Variants in ZKSCAN7 observed in about 807,000 individuals in gnomAD.
ZKSCAN7 encodes zinc finger protein with KRAB and SCAN domains 7.
ZKSCAN7 carries 38 observed loss-of-function variants against 65.3 expected under a neutral mutation model. The observed-to-expected ratio is 0.58, with a 90% CI of 0.45 to 0.76. The LOEUF is 0.76. ZKSCAN7 is among the 30% of genes least tolerant of loss of function. The probability of loss-of-function intolerance (pLI) is 0.00; values close to 1 mark genes in which losing one functional copy is unlikely to be tolerated. For missense variants in ZKSCAN7, 815 were observed against 913.3 expected (o/e 0.89, Z 1.39); for synonymous variants, 321 against 321.0 (o/e 1.00, Z 0.00).
At chr3:44,556,142 A>G (rs1219700941) in intron 1 of ZKSCAN7, among the ~76,000 whole-genome samples, 3 of 152,272 alleles carry the variant, frequency 2.0e-5, no homozygotes, top group South Asian at 2.1e-4. Context: ...TGCATTGAGT[A>G]AAAAAAGGTC....
At chr3:44,558,781 C>CTTTTTTTTTTTT (rs1559422610) in intron 2 of ZKSCAN7, among the ~76,000 whole-genome samples, 1 of 74,336 alleles carries the variant, frequency 1.3e-5, no homozygotes, top group Non-Finnish European at 2.6e-5. Flanking sequence ...CTTTCTTCTT[C>CTTTTTTTTTTTT]ATTTTTTTTT....
intron 3 of ZKSCAN7, 82 bp downstream of exon 3, chr3:44,565,737 C>T (rs1699613991): frequency 1.5e-6 from 2 of 1,353,024 alleles, no homozygotes; most frequent in Non-Finnish European, 2.0e-6. Flanking sequence ...TGCCCATCTC[C>T]TACTCCATGG....
chr3:44,568,433 G>C lies in ZKSCAN7; in HGVS notation c.811G>C (p.Ala271Pro). 1.2e-6 allele frequency: 2 copies of C among 1,613,076 alleles called. No homozygotes were observed. The highest frequency in any genetic ancestry group is 1.7e-6 in the Non-Finnish European group (2 of 1,179,542). Residue 271 changes from alanine to proline, a missense_variant and splice_region_variant, in exon 5 of 6, where the codon GCA becomes CCA. This residue lies in a region of ZKSCAN7 where 578 missense variants were observed against 629.5 expected (regional missense o/e 0.92). Transcript: ENST00000426540. ...PENHHSMASL[A>P]GENMMKGSEL... Reference sequence around the variant, plus strand: ...AAATCACCATAGCATGGCCTCCTTGGGTAATGATTCTGTTTCCTAGTCACT... The same window carrying C: ...AAATCACCATAGCATGGCCTCCTTGCGTAATGATTCTGTTTCCTAGTCACT...
intron 5 of ZKSCAN7, among the ~76,000 whole-genome samples, chr3:44,581,472 G>A (rs567619570): frequency 2.6e-5 from 4 of 152,314 alleles, no homozygotes; most frequent in Non-Finnish European, 5.9e-5. Flanking sequence ...AATCACACGG[G>A]TTAGAGAACT....
chr3:44,570,392 G>T lies in ZKSCAN7; in HGVS notation c.1282G>T (p.Val428Phe). The T allele has an allele frequency of 6.2e-7, 1 of 1,613,890 alleles. No homozygotes were observed. The highest frequency in any genetic ancestry group is 8.5e-7 in the Non-Finnish European group (1 of 1,179,908). ...CTTCAGGCAAACCTCCCAGCTCATT[G>T]TTCATCTCAGAACCCACACAGGGGA... ...KTFRQTSQLI[V>F]HLRTHTGEKP... The change falls in exon 6 of 6, where the codon GTT becomes TTT. Residue 428 changes from valine (V) to phenylalanine (F), a missense_variant. This residue lies in a region of ZKSCAN7 where 578 missense variants were observed against 629.5 expected (regional missense o/e 0.92). Transcript: ENST00000426540.
chr3:44,583,081 C>A, exon 6 of ZKSCAN7: 1 of 355,834 alleles, frequency 2.8e-6, no homozygotes, highest in Non-Finnish European at 5.6e-6. Flanking sequence ...CGCCTGCCAC[C>A]ATGCCCAGCT....
intron 5 of ZKSCAN7, chr3:44,582,906 TCGTGTGTGTGTG>T: frequency 5.5e-6 from 2 of 362,826 alleles, no homozygotes; most frequent in South Asian, 1.9e-5. Context: ...ACATGAATAT[TCGTGTGTGTGTG>T]TGTGTGTGTG....
chr3:44,571,255 A>T lies in ZKSCAN7; in HGVS notation c.2145A>T (p.Gly715=). The T allele has an allele frequency of 6.2e-7, 1 of 1,613,828 alleles. No individual in the cohort carries two copies. Among genetic ancestry groups the T allele is most frequent in the Non-Finnish European group, 8.5e-7 (1 of 1,179,964 alleles). ...TTGTACACCAGAGAGTCCACACCGG[A>T]GAGAAACCTTATGAATGTAGTGAAT... ...QLIVHQRVHT[G]EKPYECSECG... The change falls in exon 6 of 6, where the codon GGA becomes GGT. Residue 715 remains glycine (G), a synonymous_variant. Coordinates refer to ENST00000426540, the MANE Select transcript of ZKSCAN7 (RefSeq NM_001288590.2).
At chr3:44,567,630 G>C (rs572200528) in intron 3 of ZKSCAN7, among the ~76,000 whole-genome samples, 1 of 152,290 alleles carries the variant, frequency 6.6e-6, no homozygotes, top group Admixed American at 6.5e-5. Flanking sequence ...GCTGGTGCTA[G>C]GGAAACCATG....
intron 5 of ZKSCAN7, 51 bp from the exon 6 acceptor site, chr3:44,569,871 T>G (rs1371755916): frequency 6.7e-7 from 1 of 1,491,334 alleles, no homozygotes; most frequent in Non-Finnish European, 8.9e-7. Context: ...ATTCTCTTTC[T>G]TAAACAGGAT....
chr3:44,575,646 C>T (rs1415327068), downstream of ZKSCAN7, among the ~76,000 whole-genome samples: 3 of 152,156 alleles, frequency 2.0e-5, no homozygotes, highest in African/African-American at 4.8e-5. Context: ...GGCACGATCT[C>T]GGCTCACTGC....
intron 5 of ZKSCAN7, chr3:44,580,641 A>C: frequency 6.2e-7 from 1 of 1,613,900 alleles, no homozygotes; most frequent in Non-Finnish European, 8.5e-7. Context: ...CGCCCGGATG[A>C]AATGCTCCTT....
chr3:44,572,730 G>C (rs1408307973), downstream of ZKSCAN7, among the ~76,000 whole-genome samples: 1 of 150,852 alleles, frequency 6.6e-6, no homozygotes, highest in Non-Finnish European at 1.5e-5. Flanking sequence ...GGCGCCTGTA[G>C]TCCCAGCTAT....
At position 44,570,606 on chromosome 3, in the gene ZKSCAN7, A is replaced by T; in HGVS notation, c.1496A>T (p.Glu499Val). 1 of 1,614,198 alleles carries T rather than the reference A, an allele frequency of 6.2e-7. No individual in the cohort carries two copies. The highest frequency in any genetic ancestry group is 8.5e-7 in the Non-Finnish European group (1 of 1,180,036). Residue 499 changes from glutamate (E) to valine (V), a missense_variant, in exon 6 of 6, where the codon GAG becomes GTG. Transcript: ENST00000426540. ...HTGEKPYECN[E>V]CGEAFIRSKS... ...GGGGAGAAACCTTATGAATGCAATG[A>T]GTGTGGAGAGGCATTCATTCGAAGC...
chr3:44,570,519 A>G lies in ZKSCAN7; in HGVS notation c.1409A>G (p.Asn470Ser), dbSNP rs772148665. Residue 470 changes from asparagine (N) to serine (S), a missense_variant, in exon 6 of 6, where the codon AAT (asparagine) becomes AGT (serine). Asn to Ser is a conservative substitution (Grantham distance 46). Coordinates refer to ENST00000426540, the MANE Select transcript of ZKSCAN7 (RefSeq NM_001288590.2). The part of the protein sequence containing the change: ...LHNGEKPYKC[N>S]ECAKAFTQSS... ...AATGGGGAGAAACCCTATAAATGTA[A>G]TGAATGTGCAAAAGCCTTTACTCAG... The G allele has an allele frequency of 3.1e-6, 5 of 1,614,210 alleles. No homozygotes were observed. In the South Asian group the frequency reaches 3.3e-5, roughly 11 times the overall value.
At chr3:44,569,365 T>A (rs1699726029) in intron 5 of ZKSCAN7, among the ~76,000 whole-genome samples, 1 of 152,230 alleles carries the variant, frequency 6.6e-6, no homozygotes, top group Non-Finnish European at 1.5e-5. Flanking sequence ...TAGGGCAGTC[T>A]TTTTACTGTC....
intron 5 of ZKSCAN7, chr3:44,580,729 T>C (rs1700054748): frequency 3.1e-6 from 5 of 1,613,776 alleles, no homozygotes; most frequent in Non-Finnish European, 3.4e-6. Context: ...CACTGGTTCA[T>C]GTTGATGGTG....
In ZKSCAN7 at chr3:44,571,709, C is replaced by T; in HGVS notation, c.*334C>T. The T allele has an allele frequency of 8.9e-7, 1 of 1,124,158 alleles. No individual in the cohort carries two copies. The highest frequency in any genetic ancestry group is 1.1e-6 in the Non-Finnish European group (1 of 915,416). The allele number at this position is 1,124,158 out of a possible 1,614,324, so 69.6% of individuals were successfully genotyped here. On this transcript the variant is annotated 3_prime_UTR_variant, in exon 6 of 6. Coordinates refer to ENST00000426540, the MANE Select transcript of ZKSCAN7 (RefSeq NM_001288590.2). ...AGACAGAGATAATATCTTCTCTATT[C>T]TATTCTACTTCCTCCATTTCACCAT...
intron 2 of ZKSCAN7, among the ~76,000 whole-genome samples, chr3:44,561,115 A>G (rs533227206): frequency 2.6e-5 from 4 of 152,336 alleles, no homozygotes; most frequent in South Asian, 4.1e-4. Context: ...ACACTGCTAT[A>G]AAGAACTACC....
Sources: gnomAD v4.1 joint callset for allele counts (sites outside exome capture counted in the v4.1 genomes callset) on GRCh38, gnomAD v4.1.1 for gene constraint, gnomAD v4.1.1 regional missense constraint, MANE v1.5 for transcripts, NCBI Gene and HGNC (gene_info 2026-07-23, HGNC 2026-07-21) for gene names.